MYOM2: variants seen among roughly 807,000 people sequenced by gnomAD.
MYOM2 encodes myomesin-2.
Under a neutral mutation model 187.6 loss-of-function variants are expected in MYOM2, and 254 were observed. The ratio of observed to expected loss-of-function variants is 1.35; its 90% CI spans 1.22 to 1.50. The LOEUF is 1.50. Ranked by LOEUF, MYOM2 falls within the 40% of genes most tolerant of loss-of-function variation. The probability of loss-of-function intolerance (pLI) is 0.00; values close to 1 mark genes in which losing one functional copy is unlikely to be tolerated. For synonymous variants in MYOM2, 981 were observed against 753.8 expected (o/e 1.30, Z -4.94); for missense variants, 2,796 against 1,924.0 (o/e 1.45, Z -8.48).
intron 1 of MYOM2, among the ~76,000 whole-genome samples, chr8:2,049,993 T>C (rs1431459083): frequency 1.3e-5 from 2 of 152,176 alleles, no homozygotes; most frequent in African/African-American, 4.8e-5. Context: ...GCTACGCCTG[T>C]CTACCGTAAC....
intron 32 of MYOM2, among the ~76,000 whole-genome samples, chr8:2,135,641 G>A (rs1337875163): frequency 6.6e-6 from 1 of 152,072 alleles, no homozygotes; most frequent in African/African-American, 2.4e-5. Context: ...ATATTAATGT[G>A]AACCATTTTA....
At chr8:2,085,412 T>C (rs763665656) in intron 14 of MYOM2, 22 bp downstream of exon 14, 1 of 1,585,958 alleles carries the variant, frequency 6.3e-7, no homozygotes, top group South Asian at 1.1e-5. Flanking sequence ...GCCCGTGTCC[T>C]GGAAAAGTAG....
intron 10 of MYOM2, 40 bp from the exon 11 acceptor site, chr8:2,076,101 T>C (rs1384561520): frequency 6.3e-7 from 1 of 1,588,220 alleles, no homozygotes; most frequent in South Asian, 1.1e-5. Context: ...ACCCCAGCCT[T>C]TAAATGACAG....
In MYOM2 at chr8:2,143,418, G is replaced by T. The variant is rs766295188; in HGVS notation, c.4042G>T (p.Gly1348Cys). Reference sequence around the variant, plus strand: ...CGTTGCAGATCGTGGCAGGTTGATCGGCGGCTTGCCTGACGTGGTGACCAT... The same window carrying T: ...CGTTGCAGATCGTGGCAGGTTGATCTGCGGCTTGCCTGACGTGGTGACCAT... ...FAEKNRGRLI[G>C]GLPDVVTIME... is the part of the protein sequence containing the mutation. The change falls in exon 36 of 37, where the codon GGC becomes TGC. Residue 1348 changes from glycine to cysteine, a missense_variant. Gly to Cys is a radical substitution (Grantham distance 159, BLOSUM62 -3). Transcript: ENST00000262113. 6.2e-7 allele frequency: 1 copy of T among 1,614,128 alleles called. No individual in the cohort carries two copies. The highest frequency in any genetic ancestry group is 8.5e-7 in the Non-Finnish European group (1 of 1,180,040).
chr8:2,048,646 G>C (rs1818383805), intron 1 of MYOM2, among the ~76,000 whole-genome samples: 1 of 152,200 alleles, frequency 6.6e-6, no homozygotes, highest in African/African-American at 2.4e-5. Context: ...TCATCAGAAT[G>C]CTGGAGTCAG....
At chr8:2,058,362 G>A (rs551718156) in intron 5 of MYOM2, among the ~76,000 whole-genome samples, 1 of 152,238 alleles carries the variant, frequency 6.6e-6, no homozygotes, top group Non-Finnish European at 1.5e-5. Context: ...GATCATGGCT[G>A]TTGTCCTGTT....
At chr8:2,134,999 C>T (rs933033342) in intron 32 of MYOM2, among the ~76,000 whole-genome samples, 3 of 152,160 alleles carry the variant, frequency 2.0e-5, no homozygotes, top group Non-Finnish European at 4.4e-5. Flanking sequence ...CACACTCGCT[C>T]ATCCGTGTCC....
At position 2,098,886 on chromosome 8, in the gene MYOM2, CGAG is replaced by C; in HGVS notation, c.2344_2346del (p.Glu782del). The C allele has an allele frequency of 6.2e-7, 1 of 1,613,364 alleles. No individual in the cohort carries two copies. Among genetic ancestry groups the C allele is most frequent in the Non-Finnish European group, 8.5e-7 (1 of 1,179,714 alleles). The stretch of plus-strand genomic sequence containing the variant: ...ACGGCTTGACGGAAGGCTCACTCTA[CGAG>C]TTCAAAATCGCCGCCGTCAACCTGG... On this transcript the variant is annotated inframe_deletion, in exon 19 of 37. Transcript: ENST00000262113.
At chr8:2,139,871 T>C (rs1242965784) in intron 32 of MYOM2, among the ~76,000 whole-genome samples, 1 of 152,216 alleles carries the variant, frequency 6.6e-6, no homozygotes, top group Non-Finnish European at 1.5e-5. Context: ...GGCGGGAATG[T>C]ATGAGCACCT....
At position 2,106,522 on chromosome 8, in the gene MYOM2, G is replaced by A. The variant is rs769310253; in HGVS notation, c.2923G>A (p.Glu975Lys). 6.2e-6 allele frequency: 10 copies of A among 1,612,604 alleles called. No individual in the cohort carries two copies. The Admixed American group carries it at 1.2e-4, about 19-fold the overall frequency. The change falls in exon 23 of 37, where the codon GAG (glutamate) becomes AAG (lysine). Residue 975 changes from glutamate (E) to lysine (K), a missense_variant. Glu to Lys is a moderately conservative substitution (Grantham distance 56). Transcript: ENST00000262113. The part of the protein sequence containing the change: ...SKLYLKNPDK[E>K]DLGTYSVSVS... ...GCTGTACTTAAAGAATCCGGATAAG[G>A]AGGATTTAGGGACTTACTCCGTGTC...
At chr8:2,062,289 A>G (rs1306967254) in intron 6 of MYOM2, among the ~76,000 whole-genome samples, 1 of 152,206 alleles carries the variant, frequency 6.6e-6, no homozygotes, top group Non-Finnish European at 1.5e-5. Flanking sequence ...AGGATGTAAC[A>G]TTGACCTCTA....
intron 18 of MYOM2, 120 bp downstream of exon 18, chr8:2,096,554 A>G (rs902439882): frequency 3.2e-6 from 3 of 938,756 alleles, no homozygotes; most frequent in Non-Finnish European, 4.8e-6. Flanking sequence ...GGATTAAAAA[A>G]TAGCATCATG....
At chr8:2,081,468 C>G (rs899663803) in intron 13 of MYOM2, among the ~76,000 whole-genome samples, 1 of 152,214 alleles carries the variant, frequency 6.6e-6, no homozygotes, top group Non-Finnish European at 1.5e-5. Flanking sequence ...CCCCTTCTCA[C>G]TCCTCACGAG....
chr8:2,112,828 C>T (rs557825208), intron 25 of MYOM2, among the ~76,000 whole-genome samples: 4 of 152,354 alleles, frequency 2.6e-5, no homozygotes, highest in Admixed American at 2.0e-4. Flanking sequence ...ACATTGTCAC[C>T]TGCAGATAGA....
rs1266678021 is a variant in MYOM2, at chr8:2,072,456, T to C, written c.905T>C (p.Leu302Pro). ...ACGGTCACTCTCAAGTGCACCATGC[T>C]GGTGACGCCGGACCTGAAGCGGGTG... ...GETVTLKCTM[L>P]VTPDLKRVQP... The change falls in exon 9 of 37, where the codon CTG becomes CCG. Residue 302 changes from leucine to proline, a missense_variant. Transcript: ENST00000262113. The C allele has an allele frequency of 1.2e-6, 2 of 1,614,122 alleles. No homozygotes were observed. Among genetic ancestry groups the C allele is most frequent in the Non-Finnish European group, 1.7e-6 (2 of 1,180,036 alleles).
chr8:2,066,084 T>G lies in MYOM2; in HGVS notation c.654-3194T>G, dbSNP rs139482422. On this transcript the variant is annotated intron_variant, in intron 6 of 36. Transcript: ENST00000262113. ...CAAGGGTGGGTCAAGGCGTTCACCC[T>G]TCCTCACTGAGGAACTGGTCATGAC... Among the ~76,000 whole-genome samples, 1,173 of 152,338 alleles carry G rather than the reference T, an allele frequency of 7.7e-3. 5 individuals carry two copies. Among genetic ancestry groups the G allele is most frequent in the Non-Finnish European group, 0.013 (911 of 68,030 alleles).
In MYOM2 at chr8:2,130,668, C is replaced by A. The variant is rs529276408; in HGVS notation, c.3800+1436C>A. ...CATCTGTGCTTGGAATCTCTCACGT[C>A]TTTAATTTTACTAGCCTGGTTTATT... is the stretch of plus-strand genomic sequence containing the variant. On this transcript the variant is annotated intron_variant, in intron 32 of 36. Coordinates refer to ENST00000262113, the MANE Select transcript of MYOM2 (RefSeq NM_003970.4). Among the ~76,000 whole-genome samples the A allele has an allele frequency of 8.5e-5, 13 of 152,296 alleles. No homozygotes were observed. In the South Asian group the frequency reaches 1.0e-3, roughly 12 times the overall value.
At chr8:2,066,344 A>G (rs1819019123) in intron 6 of MYOM2, among the ~76,000 whole-genome samples, 1 of 152,192 alleles carries the variant, frequency 6.6e-6, no homozygotes, top group Non-Finnish European at 1.5e-5. Flanking sequence ...CAGATTTTAC[A>G]GACCGCCTTG....
chr8:2,109,294 A>T, intron 24 of MYOM2, 101 bp from the exon 25 acceptor site: 2 of 1,349,400 alleles, frequency 1.5e-6, no homozygotes, highest in Non-Finnish European at 2.0e-6. Flanking sequence ...CACATTCTCA[A>T]AAATCTAATA....
Sources: allele counts gnomAD v4.1 joint callset (sites outside exome capture counted in the v4.1 genomes callset), GRCh38; gene constraint gnomAD v4.1.1; transcripts MANE v1.5; gene names NCBI Gene and HGNC (gene_info 2026-07-23, HGNC 2026-07-21).